Variants in SEMA4D observed in about 807,000 individuals in gnomAD.
SEMA4D encodes semaphorin 4D, also known as semaphorin-4D.
SEMA4D carries 22 observed loss-of-function variants against 74.8 expected under a neutral mutation model. The observed-to-expected ratio is 0.29, with a 90% confidence interval of 0.21 to 0.42. The LOEUF (loss-of-function observed/expected upper bound fraction) is 0.42. SEMA4D is among the 10% of genes least tolerant of loss of function. The pLI is 1.00. For missense variants in SEMA4D, 937 were observed against 1,118.4 expected, an observed-to-expected ratio of 0.84 and a Z score of 2.31; for synonymous variants, 445 against 463.7, an observed-to-expected ratio of 0.96 and a Z score of 0.52.
intron 2 of SEMA4D, among the ~76,000 whole-genome samples, chr9:89,439,361 T>A (rs1851207038): frequency 6.6e-6 from 1 of 152,172 alleles, no homozygotes; most frequent in South Asian, 2.1e-4. Flanking sequence ...TCAGAATATA[T>A]GAGTTACCTG....
chr9:89,421,971 T>A (rs1038471000), intron 2 of SEMA4D, among the ~76,000 whole-genome samples: 1 of 152,238 alleles, frequency 6.6e-6, no homozygotes, highest in Non-Finnish European at 1.5e-5. Flanking sequence ...TCGAATTCCT[T>A]CCTTAATCAT....
intron 2 of SEMA4D, among the ~76,000 whole-genome samples, chr9:89,432,214 A>T (rs1486518534): frequency 1.3e-5 from 2 of 152,232 alleles, no homozygotes; most frequent in African/African-American, 2.4e-5. Flanking sequence ...ATTATTTATA[A>T]CACTGCTTGG....
chr9:89,391,053 AGAG>A, intron 9 of SEMA4D, among the ~76,000 whole-genome samples: 1 of 152,380 alleles, frequency 6.6e-6, no homozygotes, highest in Admixed American at 6.5e-5. Flanking sequence ...CCTCCTGAGA[AGAG>A]GAGGCTAATG....
At chr9:89,383,518 CAG>C (rs1385443904) in intron 13 of SEMA4D, among the ~76,000 whole-genome samples, 1 of 152,150 alleles carries the variant, frequency 6.6e-6, no homozygotes, top group Non-Finnish European at 1.5e-5. Flanking sequence ...GAGGCAGGAA[CAG>C]AGCAGAAGCC....
rs371103892 is a variant in SEMA4D at position 89,378,977 on chromosome 9, T to C, written c.2316A>G (p.Leu772=). 6.2e-7 allele frequency: 1 copy of C among 1,613,904 alleles called. No homozygotes were observed. The highest frequency in any genetic ancestry group is 8.5e-7 in the Non-Finnish European group (1 of 1,179,906). The part of the protein sequence containing the change: ...RQCLKFRSAL[L]IGKKKPKSDF... The stretch of plus-strand genomic sequence containing the variant: ...CTGACTTGGGCTTCTTCTTCCCAAT[T>C]AGTAGGGCCGAGCGGAATTTCAAGC... The change falls in exon 16 of 16, where the codon CTA becomes CTG. Residue 772 remains leucine, a synonymous_variant. Transcript: ENST00000422704.
chr9:89,445,201 A>T (rs980007107), intron 2 of SEMA4D, among the ~76,000 whole-genome samples: 5 of 152,178 alleles, frequency 3.3e-5, no homozygotes, highest in African/African-American at 1.2e-4. Flanking sequence ...TCAGAAACGG[A>T]TCCTGCAAGA....
chr9:89,372,971 A>T (rs1185235352), downstream of SEMA4D, among the ~76,000 whole-genome samples: 4 of 152,054 alleles, frequency 2.6e-5, no homozygotes, highest in East Asian at 1.9e-4. Context: ...ACTGTGGTGG[A>T]GAAGGGATGA....
chr9:89,366,628 A>G (rs148646060), intron 16 of SEMA4D, among the ~76,000 whole-genome samples: 64 of 152,390 alleles, frequency 4.2e-4, no homozygotes, highest in African/African-American at 1.5e-3. Flanking sequence ...TACATATTAC[A>G]TAGATGTACA....
chr9:89,370,340 G>A (rs1048700467), intron 16 of SEMA4D, among the ~76,000 whole-genome samples: 5 of 150,652 alleles, frequency 3.3e-5, no homozygotes, highest in African/African-American at 7.3e-5. Context: ...TACATGTGTC[G>A]TGTGGTGTAT....
intron 2 of SEMA4D, among the ~76,000 whole-genome samples, chr9:89,444,813 A>G (rs1852449731): frequency 6.6e-6 from 1 of 152,156 alleles, no homozygotes; most frequent in Admixed American, 6.5e-5. Flanking sequence ...TAATCTGGAC[A>G]GCAAATGATA....
rs774789067 is a variant in SEMA4D, at chr9:89,389,060, CAAG to C, written c.775-16_775-14del. ...CGCCCTGGTCCCCCTAAAACCCCAA[CAAG>C]AAGACGTGGTGGGCCGAGAGTGGAT... On this transcript the variant is annotated splice_polypyrimidine_tract_variant and intron_variant, in intron 9 of 15. Coordinates refer to ENST00000422704, the MANE Select transcript of SEMA4D (RefSeq NM_001371194.2). The C allele has an allele frequency of 5.6e-6, 9 of 1,613,834 alleles. No individual in the cohort carries two copies. The East Asian group carries it at 1.6e-4, about 28-fold the overall frequency.
chr9:89,449,692 T>C, intron 2 of SEMA4D: 2 of 1,519,340 alleles, frequency 1.3e-6, no homozygotes, highest in South Asian at 1.1e-5. Flanking sequence ...GGTGTGTCAG[T>C]ACTGAGCCTG....
chr9:89,450,095 C>T (rs1853980272), intron 2 of SEMA4D: 1 of 1,234,546 alleles, frequency 8.1e-7, no homozygotes, highest in African/African-American at 1.5e-5. Flanking sequence ...TATTTAACTG[C>T]ATGCCAATAG....
intron 2 of SEMA4D, among the ~76,000 whole-genome samples, chr9:89,429,937 C>T (rs1053138153): frequency 5.9e-5 from 9 of 151,966 alleles, no homozygotes; most frequent in African/African-American, 2.2e-4. Context: ...AATAGTAGCA[C>T]TCTGAAAATG....
chr9:89,390,359 C>T (rs1564588383), intron 9 of SEMA4D, among the ~76,000 whole-genome samples: 1 of 55,982 alleles, frequency 1.8e-5, no homozygotes, highest in Non-Finnish European at 3.8e-5. Flanking sequence ...ATGGCAGCCA[C>T]GGCTGCGGGG....
In SEMA4D at chr9:89,457,606, C is replaced by G. The variant is rs184217253; in HGVS notation, c.-309-1653G>C. ...AGTTAGCCAGGCATGGTGACACATG[C>G]CTGTAGTCCCGGCTACTCGAGAAGC... On this transcript the variant is annotated intron_variant, in intron 1 of 15. Transcript: ENST00000422704. Among the ~76,000 whole-genome samples, 7 of 152,188 alleles carry G rather than the reference C, an allele frequency of 4.6e-5. No individual in the cohort carries two copies. The East Asian group carries it at 1.4e-3, about 29-fold the overall frequency.
intron 1 of SEMA4D, among the ~76,000 whole-genome samples, chr9:89,476,574 A>T (rs2136087617): frequency 6.6e-6 from 1 of 152,348 alleles, no homozygotes; most frequent in South Asian, 2.1e-4. Flanking sequence ...GCCTCCAGAC[A>T]GCCTTCCATT....
At chr9:89,390,732 T>C (rs1292600043) in intron 9 of SEMA4D, among the ~76,000 whole-genome samples, 1 of 152,154 alleles carries the variant, frequency 6.6e-6, no homozygotes, top group Non-Finnish European at 1.5e-5. Context: ...ATCCACCTCC[T>C]GGAAACTGCC....
At chr9:89,364,087 TG>T in intron 16 of SEMA4D, 1 of 1,550,742 alleles carries the variant, frequency 6.4e-7, no homozygotes, top group South Asian at 1.2e-5. Flanking sequence ...ATTCAGTCCC[TG>T]GGACTGCCCT....
Sources: gnomAD v4.1 joint callset for allele counts (sites outside exome capture counted in the v4.1 genomes callset) on GRCh38, gnomAD v4.1.1 for gene constraint, MANE v1.5 for transcripts, NCBI Gene and HGNC (gene_info 2026-07-23, HGNC 2026-07-21) for gene names.